Variants in SUMF1 observed in about 807,000 individuals in gnomAD.
The protein encoded by SUMF1 is formylglycine-generating enzyme.
In SUMF1, 48 loss-of-function variants were observed where a neutral mutation model predicts 47.6. That is an observed-to-expected ratio of 1.01 (90% CI 0.80 to 1.28). SUMF1 has a LOEUF of 1.28. Ranked by LOEUF, SUMF1 falls within the 50% of genes most tolerant of loss-of-function variation. The pLI is 0.00. For missense variants in SUMF1, 571 were observed against 485.4 expected (o/e 1.18, Z -1.66); for synonymous variants, 230 against 192.1 (o/e 1.20, Z -1.63).
At chr3:4,336,858 C>T (rs1575108572) in intron 8 of SUMF1, among the ~76,000 whole-genome samples, 3 of 152,324 alleles carry the variant, frequency 2.0e-5, no homozygotes, top group Admixed American at 2.0e-4. Context: ...TGGGAAAATA[C>T]AAATTACTTG....
At position 4,302,282 on chromosome 3, in the gene SUMF1, G is replaced by C. The variant is rs189077863; in HGVS notation, c.1014+74048C>G. 2.0e-5 allele frequency among the ~76,000 whole-genome samples: 3 copies of C among 152,310 alleles called. No homozygotes were observed. The East Asian group carries it at 5.8e-4, about 29-fold the overall frequency. ...ACATCAATCAATACATGTAAGATTGGTTGGATCTGGAAAGGCAGACAACGA... is the reference window on the plus strand; with the variant it reads ...ACATCAATCAATACATGTAAGATTGCTTGGATCTGGAAAGGCAGACAACGA... On this transcript the variant is annotated intron_variant and NMD_transcript_variant, in intron 8 of 12. Transcript: ENST00000448413.
intron 8 of SUMF1, among the ~76,000 whole-genome samples, chr3:4,111,200 TG>T (rs1383633144): frequency 2.0e-5 from 3 of 151,814 alleles, no homozygotes; most frequent in Non-Finnish European, 4.4e-5. Flanking sequence ...TAGTGGAACT[TG>T]GGTATAGGAA....
chr3:4,467,118 G>A lies in SUMF1; in HGVS notation c.128C>T (p.Ala43Val), dbSNP rs200789939. 1,262 of 1,560,944 alleles carry A rather than the reference G, an allele frequency of 8.1e-4. 3 individuals carry two copies. Among genetic ancestry groups the A allele is most frequent in the Non-Finnish European group, 8.5e-4 (981 of 1,154,060 alleles). ...GSQEAGTGAG[A>V]GSLAGSCGCG... ...GCCGCAAGAACCCGCAAGGGACCCC[G>A]CGCCCGCACCGGTCCCGGCCTCCTG... Residue 43 changes from alanine (A) to valine (V), a missense_variant, in exon 1 of 9, where the codon GCG (alanine) becomes GTG (valine). Transcript: ENST00000272902.
chr3:4,461,473 T>A (rs1312229700), intron 1 of SUMF1, among the ~76,000 whole-genome samples: 1 of 152,232 alleles, frequency 6.6e-6, no homozygotes, highest in African/African-American at 2.4e-5. Flanking sequence ...AGGAGAACAG[T>A]TGCTCATCCC....
At chr3:4,415,519 A>T (rs559283105) in intron 6 of SUMF1, among the ~76,000 whole-genome samples, 1 of 152,296 alleles carries the variant, frequency 6.6e-6, no homozygotes, top group Non-Finnish European at 1.5e-5. Context: ...TATCTTTAAA[A>T]AATCATCAAA....
intron 8 of SUMF1, among the ~76,000 whole-genome samples, chr3:4,147,575 C>T (rs1694225028): frequency 6.6e-6 from 1 of 152,234 alleles, no homozygotes; most frequent in Middle Eastern, 3.4e-3. Flanking sequence ...AGCTGTTTGA[C>T]AGAATTTATG....
intron 8 of SUMF1, among the ~76,000 whole-genome samples, chr3:4,165,499 G>A (rs1229530294): frequency 3.3e-5 from 5 of 152,086 alleles, no homozygotes; most frequent in Non-Finnish European, 7.4e-5. Flanking sequence ...GGATATGGAG[G>A]TAAGCTGAGA....
At chr3:4,255,575 T>C (rs1463971960) in intron 8 of SUMF1, among the ~76,000 whole-genome samples, 1 of 83,218 alleles carries the variant, frequency 1.2e-5, no homozygotes, top group Non-Finnish European at 2.4e-5. Context: ...CTATCCTAAA[T>C]ATATATGCAC....
intron 8 of SUMF1, among the ~76,000 whole-genome samples, chr3:4,335,465 G>GCTA (rs1214741740): frequency 6.6e-6 from 1 of 152,142 alleles, no homozygotes; most frequent in East Asian, 1.9e-4. Flanking sequence ...TAAGCTAAAG[G>GCTA]CTACTCTCCA....
chr3:4,289,154 G>A (rs1055932758), intron 8 of SUMF1, among the ~76,000 whole-genome samples: 1 of 152,194 alleles, frequency 6.6e-6, no homozygotes, highest in African/African-American at 2.4e-5. Flanking sequence ...GAGGTTTCGG[G>A]AAAATGGGGA....
chr3:4,130,438 T>C (rs1693760313), intron 8 of SUMF1, among the ~76,000 whole-genome samples: 2 of 152,182 alleles, frequency 1.3e-5, no homozygotes, highest in Non-Finnish European at 2.9e-5. Flanking sequence ...CATAATCTTA[T>C]TCAGAAAGAC....
At chr3:4,151,541 ATATG>A (rs1276076614) in intron 8 of SUMF1, among the ~76,000 whole-genome samples, 4 of 122,812 alleles carry the variant, frequency 3.3e-5, no homozygotes, top group Non-Finnish European at 5.1e-5. Flanking sequence ...ATGTGTATAT[ATATG>A]TGTGTGTATA....
chr3:4,364,017 G>A (rs1699862432), intron 8 of SUMF1, among the ~76,000 whole-genome samples: 1 of 133,570 alleles, frequency 7.5e-6, no homozygotes, highest in Non-Finnish European at 1.6e-5. Flanking sequence ...TTTATATGCT[G>A]GATTACATTT....
intron 2 of SUMF1, among the ~76,000 whole-genome samples, 193 bp from the exon 3 acceptor site, chr3:4,449,533 G>A (rs899921616): frequency 5.9e-5 from 9 of 152,186 alleles, no homozygotes; most frequent in African/African-American, 1.9e-4. Context: ...CACTTACAGA[G>A]ACCATTTTCG....
chr3:4,410,943 G>C lies in SUMF1; in HGVS notation c.876C>G (p.Tyr292Ter), dbSNP rs369648085. Residue 292 changes from tyrosine (Y) to a stop codon, truncating the protein, a stop_gained, in exon 7 of 9, where the codon TAC becomes TAG. Coordinates refer to ENST00000272902, the MANE Select transcript of SUMF1 (RefSeq NM_182760.4). LOFTEE classifies it high-confidence loss of function. The part of the protein sequence containing the change: ...DAFPPNGYGL[Y>*]NIVGNAWEWT... ...ATTCCCATGCGTTCCCCACTATGTT[G>C]TATAAGCCATAACCATTGGGAGGGA... The C allele has an allele frequency of 6.2e-7, 1 of 1,614,062 alleles. No individual in the cohort carries two copies. Among genetic ancestry groups the C allele is most frequent in the East Asian group, 2.2e-5 (1 of 44,890 alleles).
At chr3:4,377,334 G>GA (rs373650155) in intron 7 of SUMF1, among the ~76,000 whole-genome samples, 57 of 144,244 alleles carry the variant, frequency 4.0e-4, no homozygotes, top group African/African-American at 5.5e-4. Context: ...TTATCTTGAA[G>GA]AAAAAAAAAA....
chr3:4,176,366 AG>A (rs1694960621), intron 8 of SUMF1, among the ~76,000 whole-genome samples: 1 of 152,186 alleles, frequency 6.6e-6, no homozygotes, highest in Non-Finnish European at 1.5e-5. Flanking sequence ...AAGCTAGAAG[AG>A]AGTGGGGGCC....
chr3:4,357,047 C>T (rs1387154009), downstream of SUMF1, among the ~76,000 whole-genome samples: 1 of 152,174 alleles, frequency 6.6e-6, no homozygotes, highest in African/African-American at 2.4e-5. Flanking sequence ...TTAAAGTCGA[C>T]TGATGGAGAA....
chr3:4,267,902 C>T (rs62259766), intron 8 of SUMF1, among the ~76,000 whole-genome samples: 2,480 of 149,968 alleles, frequency 0.017, 87 homozygotes, highest in African/African-American at 0.058. Flanking sequence ...ACCCAAAGGA[C>T]TATAAATCAT....
Sources: allele counts gnomAD v4.1 joint callset (sites outside exome capture counted in the v4.1 genomes callset), GRCh38; gene constraint gnomAD v4.1.1; transcripts MANE v1.5; gene names NCBI Gene and HGNC (gene_info 2026-07-23, HGNC 2026-07-21).